The following ANK3 variants were observed in gnomAD, a reference collection of about 807,000 sequenced individuals.
ANK3 encodes the protein ankyrin 3.
In ANK3, 57 loss-of-function variants were observed where a neutral mutation model predicts 370.9. That is an observed-to-expected ratio of 0.15 (90% CI 0.12 to 0.19). ANK3 has a LOEUF of 0.19. Among genes scored for constraint, ANK3 ranks in the 10% least tolerant of loss-of-function variants. The probability of loss-of-function intolerance (pLI) is 1.00; values close to 1 mark genes in which losing one functional copy is unlikely to be tolerated. For synonymous variants in ANK3, 1,929 were observed against 1,946.3 expected, an observed-to-expected ratio of 0.99 and a Z score of 0.23; for missense variants, 4,439 against 5,302.1, an observed-to-expected ratio of 0.84 and a Z score of 5.06.
intron 23 of ANK3, among the ~76,000 whole-genome samples, chr10:60,156,716 G>A (rs749412419): frequency 1.4e-4 from 21 of 152,146 alleles, no homozygotes; most frequent in African/African-American, 4.8e-5. Flanking sequence ...GCAGCATTCC[G>A]GGGCTTAGGG....
At chr10:60,440,048 A>G (rs763165850) in intron 2 of ANK3, among the ~76,000 whole-genome samples, 1 of 152,216 alleles carries the variant, frequency 6.6e-6, no homozygotes, top group African/African-American at 2.4e-5. Context: ...GGAACCTTCC[A>G]TGTTACACAG....
chr10:60,528,426 T>C (rs1403989141), intron 2 of ANK3, among the ~76,000 whole-genome samples: 1 of 152,026 alleles, frequency 6.6e-6, no homozygotes, highest in Non-Finnish European at 1.5e-5. Flanking sequence ...GTGAGCCACC[T>C]GGCCCTGCAA....
intron 2 of ANK3, among the ~76,000 whole-genome samples, chr10:60,424,071 A>G (rs903298873): frequency 2.6e-5 from 4 of 152,026 alleles, no homozygotes; most frequent in Admixed American, 6.6e-5. Flanking sequence ...CTATGCTATG[A>G]TAAAATCAGA....
chr10:60,413,885 A>T (rs911654735), intron 2 of ANK3, among the ~76,000 whole-genome samples: 1 of 152,072 alleles, frequency 6.6e-6, no homozygotes, highest in Admixed American at 6.6e-5. Flanking sequence ...CAGTCCCAGC[A>T]ACTCAGGAGG....
At chr10:60,387,643 A>G (rs2062586538) in intron 1 of ANK3, among the ~76,000 whole-genome samples, 1 of 152,190 alleles carries the variant, frequency 6.6e-6, no homozygotes, top group Non-Finnish European at 1.5e-5. Context: ...CACATTTACA[A>G]TAGCGATATT....
intron 28 of ANK3, among the ~76,000 whole-genome samples, chr10:60,094,425 T>G (rs2089602368): frequency 6.6e-6 from 1 of 151,982 alleles, no homozygotes; most frequent in Admixed American, 6.6e-5. Flanking sequence ...TGAGCTCAAG[T>G]GATGTGCCCG....
intron 38 of ANK3, 75 bp downstream of exon 38, chr10:60,067,860 T>C (rs1436506314): frequency 3.4e-6 from 4 of 1,186,682 alleles, no homozygotes; most frequent in Non-Finnish European, 4.8e-6. Context: ...TTAAAATATA[T>C]ATATTGAACT....
intron 7 of ANK3, among the ~76,000 whole-genome samples, chr10:60,237,969 C>T (rs2097360368): frequency 6.6e-6 from 1 of 152,150 alleles, no homozygotes; most frequent in African/African-American, 2.4e-5. Flanking sequence ...GCTCTAGACC[C>T]TCAGGCTGTG....
chr10:60,260,824 C>T (rs553918931), intron 7 of ANK3, among the ~76,000 whole-genome samples: 32 of 152,262 alleles, frequency 2.1e-4, no homozygotes, highest in East Asian at 7.7e-4. Flanking sequence ...CCCCAGGAGC[C>T]GAGCTGGTGC....
chr10:60,128,872 T>C (rs1021267178), intron 25 of ANK3, among the ~76,000 whole-genome samples: 4 of 152,366 alleles, frequency 2.6e-5, no homozygotes, highest in Middle Eastern at 3.4e-3. Context: ...GTGAATAGCA[T>C]TCCATTTATG....
intron 8 of ANK3, among the ~76,000 whole-genome samples, chr10:60,223,353 T>C (rs1336601783): frequency 6.6e-6 from 1 of 152,238 alleles, no homozygotes. Flanking sequence ...AGAGTTGAGC[T>C]AGATCTCTTT....
At chr10:60,530,506 A>G (rs1156993174) in intron 2 of ANK3, among the ~76,000 whole-genome samples, 1 of 151,800 alleles carries the variant, frequency 6.6e-6, no homozygotes, top group Non-Finnish European at 1.5e-5. Context: ...TAAGAAAACT[A>G]AGGCACTGGG....
intron 2 of ANK3, among the ~76,000 whole-genome samples, chr10:60,549,240 T>G (rs2077038412): frequency 6.6e-6 from 1 of 151,894 alleles, no homozygotes; most frequent in Non-Finnish European, 1.5e-5. Context: ...TTAGACACCA[T>G]GAGTTTAAAA....
intron 2 of ANK3, among the ~76,000 whole-genome samples, chr10:60,395,584 C>CT (rs1301261099): frequency 4.0e-5 from 5 of 125,444 alleles, no homozygotes; most frequent in African/African-American, 1.7e-4. Context: ...TTCTTTCTTT[C>CT]TTTCTTTCTT....
intron 1 of ANK3, among the ~76,000 whole-genome samples, chr10:60,335,973 C>T (rs182774992): frequency 2.0e-5 from 3 of 152,152 alleles, no homozygotes; most frequent in East Asian, 3.9e-4. Flanking sequence ...GAGCAATAAC[C>T]GTAAGTGCCC....
At chr10:60,319,241 AT>A (rs2048109842) in intron 1 of ANK3, among the ~76,000 whole-genome samples, 2 of 152,204 alleles carry the variant, frequency 1.3e-5, no homozygotes, top group African/African-American at 4.8e-5. Context: ...GTTTTATTTC[AT>A]TTGATCATCA....
rs1348498130 is a variant in ANK3 at position 60,615,186 on chromosome 10, C to T, written c.96G>A (p.Lys32=). 7 of 1,507,530 alleles carry T rather than the reference C, an allele frequency of 4.6e-6. No individual in the cohort carries two copies. In the Admixed American group the frequency reaches 1.3e-4, roughly 28 times the overall value. The allele number at this position is 1,507,530 out of a possible 1,614,324, so 93.4% of individuals were successfully genotyped here. ...TGAGTTTAGTGATAATTTTCATTAC[C>T]TTTCTAGAGCTTCGTGAATAATCTG... Residue 32 remains lysine (K), a splice_region_variant and synonymous_variant, in exon 2 of 44, where the codon AAG becomes AAA. Transcript: ENST00000373827.
At chr10:60,702,823 C>G (rs549523108) in intron 1 of ANK3, among the ~76,000 whole-genome samples, 6 of 152,192 alleles carry the variant, frequency 3.9e-5, no homozygotes, top group Admixed American at 3.9e-4. Context: ...AAGAGACAAC[C>G]AGGCAAGTCA....
At position 60,177,593 on chromosome 10, in the gene ANK3, C is replaced by CTTT. The variant is rs771714886; in HGVS notation, c.2184+3733_2184+3735dup. Reference sequence around the variant, plus strand: ...CCCATACCACACATGGTCTTCAAATCTTTTTTTTTTTTTTTTTTGTTTGAG... The same window carrying CTTT: ...CCCATACCACACATGGTCTTCAAATCTTTTTTTTTTTTTTTTTTTTTGTTTGAG... On this transcript the variant is annotated intron_variant, in intron 18 of 43. Transcript: ENST00000280772. 1.1e-3 allele frequency among the ~76,000 whole-genome samples: 112 copies of CTTT among 106,288 alleles called. 11 individuals carry two copies. The highest frequency in any genetic ancestry group is 1.4e-3 in the African/African-American group (42 of 29,436). The allele number at this position is 106,288 out of a possible 152,430, so 69.7% of individuals were successfully genotyped here.
Sources: gnomAD v4.1 joint callset for allele counts (sites outside exome capture counted in the v4.1 genomes callset) on GRCh38, gnomAD v4.1.1 for gene constraint, MANE v1.5 for transcripts, NCBI Gene and HGNC (gene_info 2026-07-23, HGNC 2026-07-21) for gene names.